Variants in MYCT1 observed in about 807,000 individuals in gnomAD.
MYCT1 encodes MYC target 1.
A neutral mutation model predicts 15.0 loss-of-function variants in MYCT1; 12 were observed. That is an observed-to-expected ratio of 0.80 (90% CI 0.51 to 1.29). MYCT1 has a LOEUF of 1.29. Among genes scored for constraint, MYCT1 ranks in the 50% most tolerant of loss-of-function variants. The pLI is 0.00. For missense variants in MYCT1, 287 were observed against 279.1 expected, an observed-to-expected ratio of 1.03 and a Z score of -0.20; for synonymous variants, 104 against 102.7, an observed-to-expected ratio of 1.01 and a Z score of -0.07.
In MYCT1 at chr6:152,706,112, G is replaced by C. The variant is rs1475768661; in HGVS notation, c.196+8014G>C. 39 of 1,528,498 alleles carry C rather than the reference G, an allele frequency of 2.6e-5. 1 individual carries two copies. In the Admixed American group the frequency reaches 6.6e-4, roughly 26 times the overall value. The allele number at this position is 1,528,498 out of a possible 1,614,324, so 94.7% of individuals were successfully genotyped here. A position where few individuals can be genotyped will look rare whatever the true frequency, so the allele number is the denominator to read the frequency against. ...ATGGGTGGAATGGGAGGTGGTATGA[G>C]AGGTGGCATGTTCTAACTCCTAGAA... On this transcript the variant is annotated intron_variant, in intron 1 of 1. Coordinates refer to ENST00000367245, the MANE Select transcript of MYCT1 (RefSeq NM_025107.3).
chr6:152,701,752 A>G (rs138951938), intron 1 of MYCT1, among the ~76,000 whole-genome samples: 274 of 152,282 alleles, frequency 1.8e-3, no homozygotes, highest in African/African-American at 6.3e-3. Context: ...TCTGGCTCAC[A>G]TGATCTGTGT....
chr6:152,725,987 C>T (rs2099725584), downstream of MYCT1, among the ~76,000 whole-genome samples: 1 of 152,118 alleles, frequency 6.6e-6, no homozygotes, highest in Non-Finnish European at 1.5e-5. Flanking sequence ...ACGAAAATAA[C>T]AAAGACCTGG....
At position 152,706,316 on chromosome 6, in the gene MYCT1, A is replaced by G. The variant is rs529540200; in HGVS notation, c.196+8218A>G. 6.6e-5 allele frequency among the ~76,000 whole-genome samples: 10 copies of G among 152,312 alleles called. No homozygotes were observed. In the South Asian group the frequency reaches 2.1e-3, roughly 32 times the overall value. On this transcript the variant is annotated intron_variant, in intron 1 of 1. Transcript: ENST00000367245. ...AACTGTATAATGGTTTACTGCTGTC[A>G]TTGTTCATGCCTACAGATAATTTAT... is the stretch of plus-strand genomic sequence containing the variant.
At chr6:152,727,889 T>C (rs4870134), downstream of MYCT1, among the ~76,000 whole-genome samples, 81,863 of 151,866 alleles carry the variant, frequency 0.54, 24,435 homozygotes, top group Non-Finnish European at 0.66. Context: ...TCAGGCCGGG[T>C]GTGGTGGCTC....
chr6:152,712,585 G>A (rs544258257), intron 1 of MYCT1, among the ~76,000 whole-genome samples: 202 of 19,884 alleles, frequency 0.01, 81 homozygotes, highest in Admixed American at 0.034. Context: ...GAAATCACCC[G>A]TCTTCTGCGT....
At chr6:152,720,794 G>A (rs1426096451) in intron 1 of MYCT1, among the ~76,000 whole-genome samples, 2 of 152,140 alleles carry the variant, frequency 1.3e-5, no homozygotes, top group African/African-American at 2.4e-5. Flanking sequence ...GAGGGGAAAT[G>A]TGGGGGACCA....
At chr6:152,729,530 C>T (rs1256985500), downstream of MYCT1, among the ~76,000 whole-genome samples, 1 of 152,168 alleles carries the variant, frequency 6.6e-6, no homozygotes, top group Non-Finnish European at 1.5e-5. Flanking sequence ...TGCTGAATGT[C>T]TTATCACCAA....
downstream of MYCT1, among the ~76,000 whole-genome samples, chr6:152,724,720 G>A (rs2099725331): frequency 6.6e-6 from 1 of 152,028 alleles, no homozygotes. Flanking sequence ...TATTGCATAA[G>A]AAAAGTCTCC....
chr6:152,714,673 G>A (rs9371631), intron 1 of MYCT1, among the ~76,000 whole-genome samples: 14,912 of 150,770 alleles, frequency 0.099, 1,331 homozygotes, highest in African/African-American at 0.23. Flanking sequence ...TAATATTTTT[G>A]TCTGATAATT....
At chr6:152,702,001 C>A (rs537864983) in intron 1 of MYCT1, among the ~76,000 whole-genome samples, 2 of 152,098 alleles carry the variant, frequency 1.3e-5, no homozygotes, top group Non-Finnish European at 2.9e-5. Flanking sequence ...CTTCAGATAC[C>A]CAAGGGTTCT....
chr6:152,737,940 CTT>C, the MYCT1 span, among the ~76,000 whole-genome samples: 3 of 152,052 alleles, frequency 2.0e-5, no homozygotes, highest in African/African-American at 7.2e-5. Context: ...CTTTATGACT[CTT>C]TGCACCAGTT....
chr6:152,719,921 G>A (rs2099724389), intron 1 of MYCT1, among the ~76,000 whole-genome samples: 1 of 152,142 alleles, frequency 6.6e-6, no homozygotes, highest in Non-Finnish European at 1.5e-5. Flanking sequence ...ACAGAGCTGA[G>A]TTTGGAACCC....
Position 152,721,835 on chromosome 6 carries a change from G to C in MYCT1, c.290G>C (p.Arg97Thr), listed in dbSNP as rs772158129. 1.2e-6 allele frequency: 2 copies of C among 1,614,100 alleles called. No individual in the cohort carries two copies. Among genetic ancestry groups the C allele is most frequent in the Non-Finnish European group, 1.7e-6 (2 of 1,180,016 alleles). ...WAVFICLSRR[R>T]RASAPISQWS... ...GTGTTCATTTGTCTGTCTCGAAGAA[G>C]AAGAGCCAGTGCTCCCATCTCACAG... The change falls in exon 2 of 2, where the codon AGA becomes ACA. Residue 97 changes from arginine to threonine, a missense_variant. Arg to Thr is a moderately conservative substitution (Grantham distance 71). Transcript: ENST00000367245.
chr6:152,708,694 T>C (rs1195501175), intron 1 of MYCT1, among the ~76,000 whole-genome samples: 1 of 151,826 alleles, frequency 6.6e-6, no homozygotes, highest in East Asian at 1.9e-4. Flanking sequence ...TGGAAAAGAG[T>C]CTTCTATATT....
Position 152,721,847 on chromosome 6 carries a change from C to T in MYCT1, c.302C>T (p.Ala101Val), listed in dbSNP as rs145687943. Residue 101 changes from alanine (A) to valine (V), a missense_variant, in exon 2 of 2, where the codon GCT becomes GTT. Physicochemically the swap from Ala to Val is moderately conservative, Grantham distance 64. Coordinates refer to ENST00000367245, the MANE Select transcript of MYCT1 (RefSeq NM_025107.3). ...CTGTCTCGAAGAAGAAGAGCCAGTG[C>T]TCCCATCTCACAGTGGAGTTCAAGC... is the stretch of plus-strand genomic sequence containing the variant. ...ICLSRRRRAS[A>V]PISQWSSSRR... 5.6e-4 allele frequency: 909 copies of T among 1,613,940 alleles called. No homozygotes were observed. The highest frequency in any genetic ancestry group is 7.3e-4 in the Non-Finnish European group (860 of 1,180,020).
chr6:152,746,181 C>T, the MYCT1 span, among the ~76,000 whole-genome samples: 1 of 152,202 alleles, frequency 6.6e-6, no homozygotes, highest in Admixed American at 6.5e-5. Context: ...GGTTGTTTTT[C>T]ATTTGATCCA....
downstream of MYCT1, among the ~76,000 whole-genome samples, chr6:152,728,463 C>T (rs1000945262): frequency 1.3e-5 from 2 of 151,866 alleles, no homozygotes; most frequent in African/African-American, 2.4e-5. Flanking sequence ...ACATAAAGAG[C>T]TCACAGGATC....
At chr6:152,734,361 G>A in the MYCT1 span, among the ~76,000 whole-genome samples, 4 of 152,106 alleles carry the variant, frequency 2.6e-5, no homozygotes, top group Admixed American at 2.6e-4. Flanking sequence ...AAAACTTATG[G>A]TTCAAATTCC....
the MYCT1 span, among the ~76,000 whole-genome samples, chr6:152,741,969 T>C: frequency 5.9e-5 from 9 of 152,144 alleles, no homozygotes; most frequent in Non-Finnish European, 1.3e-4. Context: ...AACTGAAAAC[T>C]AAAACAATAA....
Sources: allele counts gnomAD v4.1 joint callset (sites outside exome capture counted in the v4.1 genomes callset), GRCh38; gene constraint gnomAD v4.1.1; transcripts MANE v1.5; gene names NCBI Gene and HGNC (gene_info 2026-07-23, HGNC 2026-07-21).